Variants in ALDH1A2 observed in about 807,000 individuals in gnomAD.
The protein encoded by ALDH1A2 is retinal dehydrogenase 2.
A neutral mutation model predicts 60.3 loss-of-function variants in ALDH1A2; 27 were observed. That is an observed-to-expected ratio of 0.45 (90% CI 0.33 to 0.62). ALDH1A2 has a LOEUF of 0.62. ALDH1A2 is among the 20% of genes least tolerant of loss of function. ALDH1A2 has a pLI of 0.02. For synonymous variants in ALDH1A2, 289 were observed against 232.4 expected, an observed-to-expected ratio of 1.24 and a Z score of -2.21; for missense variants, 581 against 643.8, an observed-to-expected ratio of 0.90 and a Z score of 1.06.
intron 1 of ALDH1A2, among the ~76,000 whole-genome samples, chr15:58,062,192 G>GC (rs1375525686): frequency 6.6e-6 from 1 of 151,814 alleles, no homozygotes; most frequent in African/African-American, 2.4e-5. Context: ...CTGTGTTTCA[G>GC]CCCCATATAA....
At chr15:58,062,249 A>T (rs1438291202) in intron 1 of ALDH1A2, among the ~76,000 whole-genome samples, 3 of 152,096 alleles carry the variant, frequency 2.0e-5, no homozygotes, top group African/African-American at 7.2e-5. Context: ...ACTGTTAGTT[A>T]TGGGCATAAA....
chr15:57,986,834 G>A (rs1894719994), intron 7 of ALDH1A2, among the ~76,000 whole-genome samples: 1 of 152,020 alleles, frequency 6.6e-6, no homozygotes, highest in African/African-American at 2.4e-5. Flanking sequence ...CACCACGCCT[G>A]GCTAGAGATA....
intron 3 of ALDH1A2, among the ~76,000 whole-genome samples, chr15:58,013,485 CA>C (rs1304785784): frequency 2.0e-5 from 3 of 152,144 alleles, no homozygotes; most frequent in Admixed American, 6.5e-5. Context: ...TCTCATTTTT[CA>C]TATGTATTAC....
At chr15:57,983,001 T>C (rs1435490534) in intron 7 of ALDH1A2, among the ~76,000 whole-genome samples, 6 of 152,160 alleles carry the variant, frequency 3.9e-5, no homozygotes, top group African/African-American at 9.7e-5. Flanking sequence ...CTTAGGGATG[T>C]GTTGTTTGTT....
At chr15:58,001,830 G>A (rs908178616) in intron 4 of ALDH1A2, among the ~76,000 whole-genome samples, 1 of 151,838 alleles carries the variant, frequency 6.6e-6, no homozygotes, top group Non-Finnish European at 1.5e-5. Context: ...AGAGTGCTCA[G>A]ACTTAGCATA....
At chr15:58,013,150 C>T (rs539631158) in intron 3 of ALDH1A2, among the ~76,000 whole-genome samples, 5 of 152,162 alleles carry the variant, frequency 3.3e-5, no homozygotes, top group Non-Finnish European at 5.9e-5. Context: ...ACAGGGCAAA[C>T]GGAGCAGAAG....
intron 4 of ALDH1A2, among the ~76,000 whole-genome samples, chr15:58,002,099 T>G (rs1321127875): frequency 1.3e-5 from 2 of 151,942 alleles, no homozygotes; most frequent in African/African-American, 4.8e-5. Flanking sequence ...CTGATGAGTT[T>G]TGATACCTGG....
intron 1 of ALDH1A2, among the ~76,000 whole-genome samples, chr15:58,023,366 G>C (rs1333851907): frequency 6.6e-6 from 1 of 152,154 alleles, no homozygotes; most frequent in African/African-American, 2.4e-5. Flanking sequence ...CAAATTATTA[G>C]TATAATCAAG....
rs1182051722 is a variant in ALDH1A2, at chr15:57,961,304, GATA to G, written c.1252-13_1252-11del. 1 of 1,613,300 alleles carries G rather than the reference GATA, an allele frequency of 6.2e-7. No individual in the cohort carries two copies. Among genetic ancestry groups the G allele is most frequent in the East Asian group, 2.2e-5 (1 of 44,886 alleles). On this transcript the variant is annotated splice_polypyrimidine_tract_variant and intron_variant, in intron 10 of 12. Coordinates refer to ENST00000249750, the MANE Select transcript of ALDH1A2 (RefSeq NM_003888.4). ...GAACAGGGCCAAAGATCTGCAAAAA[GATA>G]ATATGACTCAACATGGTTGCTCTGT...
intron 1 of ALDH1A2, among the ~76,000 whole-genome samples, chr15:58,061,064 A>G (rs1270783638): frequency 2.0e-5 from 3 of 152,312 alleles, no homozygotes; most frequent in Non-Finnish European, 4.4e-5. Context: ...GAAATACAAA[A>G]ACTATCATTC....
intron 2 of ALDH1A2, 50 bp from the exon 3 acceptor site, chr15:58,014,048 A>G: frequency 6.2e-7 from 1 of 1,614,092 alleles, no homozygotes; most frequent in African/African-American, 1.3e-5. Flanking sequence ...CAAATAAAGG[A>G]AGAACCATCC....
intron 4 of ALDH1A2, among the ~76,000 whole-genome samples, chr15:58,008,332 A>G (rs763989484): frequency 3.3e-5 from 5 of 152,072 alleles, no homozygotes; most frequent in Admixed American, 6.6e-5. Flanking sequence ...TAAAGTGGGG[A>G]AAGACTACTG....
At chr15:57,960,669 G>T in intron 12 of ALDH1A2, 101 bp downstream of exon 12, 1 of 981,586 alleles carries the variant, frequency 1.0e-6, no homozygotes, top group Non-Finnish European at 1.6e-6. Flanking sequence ...TTTGTTGAAT[G>T]TATGGATGAG....
At chr15:57,996,516 T>C (rs1351914647) in intron 4 of ALDH1A2, among the ~76,000 whole-genome samples, 2 of 151,422 alleles carry the variant, frequency 1.3e-5, no homozygotes, top group African/African-American at 2.4e-5. Flanking sequence ...TTTTTTTTTT[T>C]TCCTGTAAAG....
chr15:57,955,656 G>C (rs1893497883), intron 12 of ALDH1A2, among the ~76,000 whole-genome samples: 1 of 152,124 alleles, frequency 6.6e-6, no homozygotes, highest in East Asian at 1.9e-4. Flanking sequence ...GCAGCGGTGG[G>C]ACCAGGCCCA....
At chr15:58,039,763 G>A (rs1896469138) in intron 1 of ALDH1A2, among the ~76,000 whole-genome samples, 1 of 151,716 alleles carries the variant, frequency 6.6e-6, no homozygotes, top group Non-Finnish European at 1.5e-5. Flanking sequence ...AAGAGGAAGG[G>A]AGGAGCTGAA....
intron 7 of ALDH1A2, chr15:57,990,722 G>C (rs1456451231): frequency 6.6e-6 from 1 of 151,624 alleles, no homozygotes; most frequent in African/African-American, 2.4e-5. Context: ...CTAAAAATAC[G>C]AAAATTAGCC....
chr15:58,053,156 G>C (rs1896817444), intron 1 of ALDH1A2, among the ~76,000 whole-genome samples: 2 of 152,084 alleles, frequency 1.3e-5, no homozygotes, highest in South Asian at 4.1e-4. Context: ...CCCTTGGAGT[G>C]ACATTATAAA....
At chr15:58,004,392 T>C (rs575949453) in intron 4 of ALDH1A2, among the ~76,000 whole-genome samples, 2 of 151,986 alleles carry the variant, frequency 1.3e-5, no homozygotes, top group South Asian at 2.1e-4. Context: ...TGCATAACTA[T>C]GAGCCTTGGG....
Sources: gnomAD v4.1 joint callset for allele counts (sites outside exome capture counted in the v4.1 genomes callset) on GRCh38, gnomAD v4.1.1 for gene constraint, MANE v1.5 for transcripts, NCBI Gene and HGNC (gene_info 2026-07-23, HGNC 2026-07-21) for gene names.